The following UTRN variants were observed in gnomAD, a reference collection of about 807,000 sequenced individuals.
The protein encoded by UTRN is dystrophin-related protein 1.
A neutral mutation model predicts 463.9 loss-of-function variants in UTRN; 283 were observed. The ratio of observed to expected loss-of-function variants is 0.61; its 90% CI spans 0.55 to 0.67. The LOEUF (loss-of-function observed/expected upper bound fraction) is 0.67, where lower values mean the gene tolerates loss of function less well. Among genes scored for constraint, UTRN ranks in the 30% least tolerant of loss-of-function variants. The pLI, the probability that UTRN is intolerant of heterozygous loss-of-function variation, is 0.00. For missense variants in UTRN, 3,922 were observed against 4,084.3 expected (o/e 0.96, Z 1.08); for synonymous variants, 1,442 against 1,431.5 (o/e 1.01, Z -0.17).
At chr6:144,776,280 C>T (rs1273558933) in intron 60 of UTRN, among the ~76,000 whole-genome samples, 1 of 152,120 alleles carries the variant, frequency 6.6e-6, no homozygotes, top group African/African-American at 2.4e-5. Flanking sequence ...CATTTTTTCC[C>T]AGTAGTTTAT....
intron 2 of UTRN, among the ~76,000 whole-genome samples, chr6:144,294,574 C>T (rs1001181464): frequency 4.6e-5 from 7 of 151,740 alleles, no homozygotes; most frequent in African/African-American, 1.7e-4. Context: ...TGATCCTCAT[C>T]TGCTCTTCCA....
chr6:144,715,981 A>G (rs1370506371), intron 53 of UTRN, among the ~76,000 whole-genome samples: 1 of 152,136 alleles, frequency 6.6e-6, no homozygotes, highest in Non-Finnish European at 1.5e-5. Flanking sequence ...AATAAAGGTA[A>G]TAACTGAAAT....
chr6:144,517,875 G>A (rs1462374293), intron 39 of UTRN, among the ~76,000 whole-genome samples: 1 of 152,140 alleles, frequency 6.6e-6, no homozygotes, highest in African/African-American at 2.4e-5. Context: ...ACATTTCTCA[G>A]AACATGTCCC....
chr6:144,741,248 C>T (rs993488384), intron 54 of UTRN, among the ~76,000 whole-genome samples: 4 of 152,106 alleles, frequency 2.6e-5, no homozygotes, highest in Non-Finnish European at 5.9e-5. Context: ...GTAGAAAGCT[C>T]CAGACTTCTC....
At chr6:144,638,687 C>G (rs926265871) in intron 51 of UTRN, among the ~76,000 whole-genome samples, 2 of 152,142 alleles carry the variant, frequency 1.3e-5, no homozygotes, top group Admixed American at 6.5e-5. Context: ...AAATAGTGCT[C>G]TGAGTTACCA....
chr6:144,814,269 G>T (rs568737201), intron 65 of UTRN, among the ~76,000 whole-genome samples: 1 of 152,298 alleles, frequency 6.6e-6, no homozygotes, highest in South Asian at 2.1e-4. Flanking sequence ...GCAGTGAGAA[G>T]ACGGCTGTGT....
chr6:144,746,181 T>G (rs928246248), intron 54 of UTRN, among the ~76,000 whole-genome samples: 3 of 152,038 alleles, frequency 2.0e-5, no homozygotes, highest in African/African-American at 7.2e-5. Context: ...TTTCGTATTT[T>G]TAATAGAGAC....
rs578142510 is a variant in UTRN, at chr6:144,714,923, T to TACGTCACTGGTAGCTCTTTCTC, written c.7809+14682_7809+14703dup. Among the ~76,000 whole-genome samples, 653 of 152,306 alleles carry TACGTCACTGGTAGCTCTTTCTC rather than the reference T, an allele frequency of 4.3e-3. 6 individuals carry two copies. The highest frequency in any genetic ancestry group is 0.013 in the African/African-American group (559 of 41,558). ...CACCGCACTCTCCTGATGTTTTTCT[T>TACGTCACTGGTAGCTCTTTCTC]ACGTCACTGGTAGCTCTTTCTCAGT... On this transcript the variant is annotated intron_variant, in intron 53 of 74. Coordinates refer to ENST00000367545, the MANE Select transcript of UTRN (RefSeq NM_007124.3).
intron 33 of UTRN, among the ~76,000 whole-genome samples, chr6:144,493,688 G>T (rs1164152857): frequency 2.0e-5 from 3 of 152,054 alleles, no homozygotes; most frequent in Non-Finnish European, 4.4e-5. Context: ...ATTTATTTTT[G>T]GCTAGGCACA....
intron 3 of UTRN, among the ~76,000 whole-genome samples, chr6:144,421,103 TTCAAGCAAC>T (rs1426791665): frequency 6.6e-6 from 1 of 152,006 alleles, no homozygotes; most frequent in African/African-American, 2.4e-5. Flanking sequence ...ACCTCCTGGG[TTCAAGCAAC>T]TCTCCTGCCT....
chr6:144,656,869 T>A (rs1032883878), intron 51 of UTRN, among the ~76,000 whole-genome samples: 3 of 152,086 alleles, frequency 2.0e-5, no homozygotes, highest in East Asian at 1.9e-4. Flanking sequence ...GTTAAGAATT[T>A]AAAAAAAATC....
chr6:144,633,506 A>G (rs1776768000), intron 51 of UTRN, among the ~76,000 whole-genome samples: 1 of 152,216 alleles, frequency 6.6e-6, no homozygotes, highest in Non-Finnish European at 1.5e-5. Context: ...TGCTGGGATT[A>G]CAGGCGTGAG....
chr6:144,798,914 G>A (rs2128745682), intron 64 of UTRN, among the ~76,000 whole-genome samples: 1 of 152,296 alleles, frequency 6.6e-6, no homozygotes, highest in East Asian at 1.9e-4. Flanking sequence ...GCTAATTTTT[G>A]TATTTTTAGT....
rs202060141 is a variant in UTRN at position 144,422,002 on chromosome 6, C to T, written c.234+32C>T. 1,097 of 1,573,766 alleles carry T rather than the reference C, an allele frequency of 7.0e-4. 1 individual carries two copies. Among genetic ancestry groups the T allele is most frequent in the Non-Finnish European group, 8.8e-4 (1,008 of 1,151,060 alleles). ...AAGTCATCTTTGTAAACAACGGAGTCTCCGGTCATTGCTGATACTTGATGA... is the reference window on the plus strand; with the variant it reads ...AAGTCATCTTTGTAAACAACGGAGTTTCCGGTCATTGCTGATACTTGATGA... On this transcript the variant is annotated intron_variant, in intron 4 of 74. Transcript: ENST00000367545.
At chr6:144,499,678 A>G (rs937255677) in intron 34 of UTRN, among the ~76,000 whole-genome samples, 1 of 152,180 alleles carries the variant, frequency 6.6e-6, no homozygotes, top group South Asian at 2.1e-4. Context: ...TATATTGTGT[A>G]ATGCTGAGGT....
Position 144,533,179 on chromosome 6 carries a change from G to A in UTRN, c.6152G>A (p.Gly2051Glu), listed in dbSNP as rs200980947. 2 of 1,614,184 alleles carry A rather than the reference G, an allele frequency of 1.2e-6. No individual in the cohort carries two copies. The highest frequency in any genetic ancestry group is 3.3e-5 in the Admixed American group (2 of 60,018). Residue 2051 changes from glycine to glutamate, a missense_variant, in exon 43 of 75, where the codon GGA becomes GAA. By Grantham distance (98) the Gly-to-Glu change is moderately conservative. Transcript: ENST00000367545. The part of the protein sequence containing the change: ...GIVQKLSQAD[G>E]SFLKEKLAGL... ...GTGCAGAAACTCTCCCAGGCAGATG[G>A]AAGCTTCTTGAAAGAAAAACTGGCA...
At chr6:144,691,031 G>A (rs1293834475) in intron 52 of UTRN, among the ~76,000 whole-genome samples, 1 of 152,140 alleles carries the variant, frequency 6.6e-6, no homozygotes, top group East Asian at 1.9e-4. Context: ...AGTGGAAGAA[G>A]CATGCTAACA....
At chr6:144,464,427 A>T (rs1438829701) in intron 23 of UTRN, among the ~76,000 whole-genome samples, 1 of 152,042 alleles carries the variant, frequency 6.6e-6, no homozygotes, top group Admixed American at 6.5e-5. Flanking sequence ...GCAGTTCTAG[A>T]TGGAGATCTC....
chr6:144,389,261 A>G (rs867396085), intron 2 of UTRN, among the ~76,000 whole-genome samples: 1 of 152,216 alleles, frequency 6.6e-6, no homozygotes, highest in South Asian at 2.1e-4. Context: ...AGGCAATCAG[A>G]TATGCATTTA....
Sources: allele counts gnomAD v4.1 joint callset (sites outside exome capture counted in the v4.1 genomes callset), GRCh38; gene constraint gnomAD v4.1.1; transcripts MANE v1.5; gene names NCBI Gene and HGNC (gene_info 2026-07-23, HGNC 2026-07-21).